The following TAF12 variants were observed in gnomAD, a reference collection of about 807,000 sequenced individuals.
TAF12 encodes the protein transcription initiation factor TFIID subunit 12.
In TAF12, 3 loss-of-function variants were observed where a neutral mutation model predicts 20.8. The observed-to-expected ratio is 0.14, with a 90% CI of 0.07 to 0.37. The LOEUF is 0.37. TAF12 is among the 10% of genes least tolerant of loss of function. The pLI is 1.00. For synonymous variants in TAF12, 69 were observed against 70.2 expected, an observed-to-expected ratio of 0.98 and a Z score of 0.09; for missense variants, 131 against 197.9, an observed-to-expected ratio of 0.66 and a Z score of 2.03.
At position 28,635,556 on chromosome 1, in the gene TAF12, C is replaced by T. The variant is rs1193815172; in HGVS notation, c.-85+7436G>A. On this transcript the variant is annotated intron_variant, in intron 1 of 5. Transcript: ENST00000373824. ...TCCTGAACTCATGATCTGCCCACCTCGGCCTCCCAAAGTGCTGGGATTACA... is the reference window on the plus strand; with the variant it reads ...TCCTGAACTCATGATCTGCCCACCTTGGCCTCCCAAAGTGCTGGGATTACA... Among the ~76,000 whole-genome samples the T allele has an allele frequency of 3.3e-5, 5 of 151,936 alleles. No homozygotes were observed. In the East Asian group the frequency reaches 5.9e-4, roughly 18 times the overall value.
upstream of TAF12, chr1:28,648,056 G>T: frequency 1.8e-6 from 1 of 543,000 alleles, no homozygotes; most frequent in Non-Finnish European, 2.3e-6. Flanking sequence ...AACACACCAT[G>T]ACAATCAGCT....
chr1:28,610,458 ATTTTTTAAATC>A (rs1666814254), intron 4 of TAF12, among the ~76,000 whole-genome samples: 3 of 151,760 alleles, frequency 2.0e-5, no homozygotes, highest in East Asian at 1.9e-4. Context: ...TGCCTGGCTA[ATTTTTTAAATC>A]TTTTTTAAAT....
intron 1 of TAF12, among the ~76,000 whole-genome samples, chr1:28,637,258 G>A (rs1412661473): frequency 1.3e-5 from 2 of 151,772 alleles, no homozygotes; most frequent in Non-Finnish European, 2.9e-5. Flanking sequence ...TCTCTTTTTT[G>A]AGACAGAGTT....
intron 1 of TAF12, among the ~76,000 whole-genome samples, chr1:28,631,744 A>G (rs1239161779): frequency 1.3e-5 from 2 of 152,194 alleles, no homozygotes; most frequent in African/African-American, 2.4e-5. Context: ...GGCACATGAA[A>G]AGATGCTCAA....
chr1:28,612,502 A>G (rs1216077086), intron 4 of TAF12, among the ~76,000 whole-genome samples: 2 of 146,574 alleles, frequency 1.4e-5, no homozygotes, highest in African/African-American at 5.0e-5. Context: ...ATACAAATAT[A>G]TATAAAAATT....
At chr1:28,604,447 A>G (rs1666600046) in intron 5 of TAF12, among the ~76,000 whole-genome samples, 1 of 152,226 alleles carries the variant, frequency 6.6e-6, no homozygotes, top group Non-Finnish European at 1.5e-5. Flanking sequence ...AGCCAAATTA[A>G]CAACTTACTT....
Position 28,643,030 on chromosome 1 carries a change from G to T in TAF12, c.-123C>A. The stretch of plus-strand genomic sequence containing the variant: ...TATCTCCCCATGATATGCAGAGACT[G>T]CCCCAGTGAAGCGTTCGTCTCAGCA... On this transcript the variant is annotated 5_prime_UTR_variant, in exon 1 of 6. Transcript: ENST00000373824. 2.0e-6 allele frequency: 2 copies of T among 985,888 alleles called. No homozygotes were observed. The highest frequency in any genetic ancestry group is 2.4e-6 in the Non-Finnish European group (2 of 829,958). The allele number at this position is 985,888 out of a possible 1,614,324, so 61.1% of individuals were successfully genotyped here. A position where few individuals can be genotyped will look rare whatever the true frequency, so the allele number is the denominator to read the frequency against.
chr1:28,630,154 C>T (rs1274178538), intron 1 of TAF12, among the ~76,000 whole-genome samples: 1 of 152,126 alleles, frequency 6.6e-6, no homozygotes, highest in Non-Finnish European at 1.5e-5. Context: ...CCATGTTGCC[C>T]AGGCTGCTCT....
intron 3 of TAF12, 82 bp downstream of exon 3, chr1:28,617,871 C>T: frequency 2.2e-6 from 3 of 1,335,822 alleles, no homozygotes; most frequent in Non-Finnish European, 3.2e-6. Context: ...TGAGCCACTG[C>T]ATCTGGCCTG....
rs765386621 is a variant in TAF12 at position 28,622,014 on chromosome 1, G to C, written c.68C>G (p.Ala23Gly). The C allele has an allele frequency of 7.1e-5, 114 of 1,613,940 alleles. No homozygotes were observed. Among genetic ancestry groups the C allele is most frequent in the South Asian group, 6.1e-4 (56 of 91,066 alleles). Residue 23 changes from alanine to glycine, a missense_variant, in exon 2 of 6, where the codon GCC (alanine) becomes GGC (glycine). This residue lies in a region of TAF12 where 63 missense variants were observed against 72.1 expected (regional missense o/e 0.87). Transcript: ENST00000373824. ...SNFSSIKPEP[A>G]STPPQGSMAN... is the part of the protein sequence containing the mutation. ...CATGGAGCCTTGTGGAGGGGTGCTGGCTGGTTCCGGTTTTATGGATGAGAA... is the reference window on the plus strand; with the variant it reads ...CATGGAGCCTTGTGGAGGGGTGCTGCCTGGTTCCGGTTTTATGGATGAGAA...
At chr1:28,605,551 G>T (rs1666640066) in intron 4 of TAF12, 91 bp from the exon 5 acceptor site, 4 of 1,181,240 alleles carry the variant, frequency 3.4e-6, no homozygotes, top group Non-Finnish European at 4.9e-6. Context: ...GAGGATGAAT[G>T]TGGGCATCTG....
chr1:28,605,589 T>C (rs1244434442), intron 4 of TAF12, 129 bp from the exon 5 acceptor site: 1 of 820,808 alleles, frequency 1.2e-6, no homozygotes, highest in Non-Finnish European at 1.9e-6. Context: ...GGGATTCTAT[T>C]ACAAATAGGG....
At chr1:28,635,740 T>C (rs1474111582) in intron 1 of TAF12, among the ~76,000 whole-genome samples, 2 of 151,834 alleles carry the variant, frequency 1.3e-5, no homozygotes, top group Non-Finnish European at 2.9e-5. Context: ...TAATTTTTCA[T>C]AGGGTAGGAA....
chr1:28,629,332 T>G (rs1332814245), intron 1 of TAF12, among the ~76,000 whole-genome samples: 2 of 152,110 alleles, frequency 1.3e-5, no homozygotes, highest in Non-Finnish European at 2.9e-5. Context: ...TACTCACCCT[T>G]TTCTTCCTGT....
chr1:28,614,465 A>C (rs1666964562), intron 3 of TAF12, among the ~76,000 whole-genome samples: 1 of 151,648 alleles, frequency 6.6e-6, no homozygotes, highest in Non-Finnish European at 1.5e-5. Flanking sequence ...AGGTGGATCA[A>C]CTGAAGTCAG....
upstream of TAF12, among the ~76,000 whole-genome samples, chr1:28,644,531 C>G (rs1431605864): frequency 6.6e-6 from 1 of 152,194 alleles, no homozygotes; most frequent in African/African-American, 2.4e-5. Flanking sequence ...GTGTGACAAG[C>G]CTTTTGCTAT....
intron 1 of TAF12, 188 bp downstream of exon 1, chr1:28,642,804 A>G (rs1668082369): frequency 5.1e-6 from 5 of 985,408 alleles, no homozygotes; most frequent in Non-Finnish European, 6.0e-6. Flanking sequence ...CCCGTCTTAG[A>G]GCCCGGGTCC....
chr1:28,642,628 C>T, intron 1 of TAF12: 2 of 985,418 alleles, frequency 2.0e-6, no homozygotes, highest in Non-Finnish European at 2.4e-6. Context: ...CTCTTAGGAG[C>T]CCAAGTCCTC....
At chr1:28,635,317 TGTGTCGCCCAGGCTACAGTGCA>T (rs1434687629) in intron 1 of TAF12, among the ~76,000 whole-genome samples, 1,387 of 105,128 alleles carry the variant, frequency 0.013, 14 homozygotes, top group Middle Eastern at 0.024. Context: ...GGAGTCTCAC[TGTGTCGCCCAGGCTACAGTGCA>T]GTGTCGCCCA....
Sources: allele counts gnomAD v4.1 joint callset (sites outside exome capture counted in the v4.1 genomes callset), GRCh38; gene constraint gnomAD v4.1.1; regional missense constraint gnomAD v4.1.1; transcripts MANE v1.5; gene names NCBI Gene and HGNC (gene_info 2026-07-23, HGNC 2026-07-21).